The following DCAF10 variants were observed in gnomAD, a reference collection of about 807,000 sequenced individuals.
DCAF10 encodes DDB1 and CUL4 associated factor 10.
DCAF10 carries 19 observed loss-of-function variants against 51.9 expected under a neutral mutation model. The ratio of observed to expected loss-of-function variants is 0.37; its 90% confidence interval spans 0.26 to 0.54. The LOEUF is 0.54. Among genes scored for constraint, DCAF10 ranks in the 20% least tolerant of loss-of-function variants. The pLI, the probability that DCAF10 is intolerant of heterozygous loss-of-function variation, is 0.87. For synonymous variants in DCAF10, 291 were observed against 297.1 expected, an observed-to-expected ratio of 0.98 and a Z score of 0.21; for missense variants, 510 against 730.6, an observed-to-expected ratio of 0.70 and a Z score of 3.48.
At chr9:37,820,599 T>C (rs1829674181) in intron 2 of DCAF10, among the ~76,000 whole-genome samples, 1 of 152,136 alleles carries the variant, frequency 6.6e-6, no homozygotes, top group Admixed American at 6.5e-5. Flanking sequence ...AGTCAGTAAC[T>C]GAATGTCTAT....
intron 1 of DCAF10, among the ~76,000 whole-genome samples, chr9:37,812,570 C>T (rs1442518414): frequency 6.6e-6 from 1 of 152,158 alleles, no homozygotes; most frequent in Admixed American, 6.5e-5. Flanking sequence ...GGTGGAAGAT[C>T]AGAGGTACAG....
Position 37,860,167 on chromosome 9 carries a change from T to C in DCAF10, c.1285T>C (p.Cys429Arg), listed in dbSNP as rs768418580. 6.2e-7 allele frequency: 1 copy of C among 1,614,092 alleles called. No homozygotes were observed. Among genetic ancestry groups the C allele is most frequent in the Non-Finnish European group, 8.5e-7 (1 of 1,179,976 alleles). The part of the protein sequence containing the change: ...HPKGWATLLR[C>R]SSNSDDEECT... Reference sequence around the variant, plus strand: ...AAAAGGCTGGGCCACTCTTCTTCGGTGCTCAAGCAACAGTGATGATGAGGA... The same window carrying C: ...AAAAGGCTGGGCCACTCTTCTTCGGCGCTCAAGCAACAGTGATGATGAGGA... The change falls in exon 6 of 7, where the codon TGC (cysteine) becomes CGC (arginine). Residue 429 changes from cysteine to arginine, a missense_variant. Cys to Arg is a radical substitution (Grantham distance 180). Coordinates refer to ENST00000377724, the MANE Select transcript of DCAF10 (RefSeq NM_024345.5).
intron 2 of DCAF10, chr9:37,832,263 T>C (rs897591287): frequency 6.6e-6 from 1 of 150,498 alleles, no homozygotes; most frequent in Admixed American, 6.7e-5. Flanking sequence ...TTCAAGACCA[T>C]CCTGGCCAAC....
intron 2 of DCAF10, among the ~76,000 whole-genome samples, chr9:37,835,615 G>A (rs568869480): frequency 6.6e-6 from 1 of 151,922 alleles, no homozygotes; most frequent in Non-Finnish European, 1.5e-5. Flanking sequence ...GCGGGCACCT[G>A]TAATCCCAGC....
intron 3 of DCAF10, among the ~76,000 whole-genome samples, chr9:37,846,320 T>C (rs1415361014): frequency 1.3e-5 from 2 of 152,098 alleles, no homozygotes; most frequent in South Asian, 2.1e-4. Context: ...AGAGGAGATA[T>C]CATAACCAAC....
At chr9:37,834,354 A>C (rs1830090694) in intron 2 of DCAF10, among the ~76,000 whole-genome samples, 1 of 152,242 alleles carries the variant, frequency 6.6e-6, no homozygotes, top group Admixed American at 6.5e-5. Context: ...ATTTCTCATT[A>C]AACTTATTCA....
intron 1 of DCAF10, among the ~76,000 whole-genome samples, chr9:37,809,357 A>C (rs1449020074): frequency 4.0e-5 from 6 of 151,734 alleles, no homozygotes; most frequent in Non-Finnish European, 7.4e-5. Context: ...TGCAAATAAT[A>C]GGAAAATCAA....
At chr9:37,848,381 T>C (rs1830536190) in intron 3 of DCAF10, among the ~76,000 whole-genome samples, 1 of 152,206 alleles carries the variant, frequency 6.6e-6, no homozygotes, top group African/African-American at 2.4e-5. Context: ...GAATTCTATT[T>C]AGCAATGAAA....
chr9:37,802,791 T>C (rs1828997638), intron 1 of DCAF10, among the ~76,000 whole-genome samples: 1 of 152,200 alleles, frequency 6.6e-6, no homozygotes, highest in African/African-American at 2.4e-5. Context: ...GGAGAAACTA[T>C]TTTGCTGAAA....
At chr9:37,813,978 A>G (rs1411852265) in intron 1 of DCAF10, among the ~76,000 whole-genome samples, 1 of 150,964 alleles carries the variant, frequency 6.6e-6, no homozygotes, top group African/African-American at 2.4e-5. Flanking sequence ...GTAAGCATCC[A>G]TCTCAAGAAC....
At chr9:37,825,482 A>C (rs1272356606) in intron 2 of DCAF10, among the ~76,000 whole-genome samples, 3 of 152,242 alleles carry the variant, frequency 2.0e-5, no homozygotes, top group African/African-American at 7.2e-5. Flanking sequence ...ACAGAAAACC[A>C]AATACTGCAT....
intron 3 of DCAF10, among the ~76,000 whole-genome samples, chr9:37,849,944 A>G (rs1205442146): frequency 6.6e-6 from 1 of 152,140 alleles, no homozygotes; most frequent in African/African-American, 2.4e-5. Flanking sequence ...CTGTAGTCCC[A>G]GGTACTCAAG....
At chr9:37,807,877 G>A (rs1351622722) in intron 1 of DCAF10, among the ~76,000 whole-genome samples, 1 of 151,904 alleles carries the variant, frequency 6.6e-6, no homozygotes, top group Non-Finnish European at 1.5e-5. Context: ...AGTCAGGCTG[G>A]TCTTGAACTC....
At chr9:37,817,455 G>A (rs1564028879) in intron 1 of DCAF10, among the ~76,000 whole-genome samples, 2 of 151,988 alleles carry the variant, frequency 1.3e-5, no homozygotes, top group South Asian at 4.2e-4. Flanking sequence ...AAAATTAGTG[G>A]GGTGTGGTGG....
In DCAF10 at chr9:37,801,831, C is replaced by G. The variant is rs1828959783; in HGVS notation, c.539+426C>G. On this transcript the variant is annotated intron_variant, in intron 1 of 6. Transcript: ENST00000377724. This position sits in a 1 kb window ranked among gnomAD's most constrained non-coding sequence, Gnocchi z 5.5. ...GTAGGAAAGCTGTAGATTCCTTGCA[C>G]TCTGTACCTGAACTTGCCATGATGG... 6.6e-6 allele frequency among the ~76,000 whole-genome samples: 1 copy of G among 152,220 alleles called. No individual in the cohort carries two copies. Among genetic ancestry groups the G allele is most frequent in the Admixed American group, 6.5e-5 (1 of 15,292 alleles).
At chr9:37,831,655 TAG>T (rs1830010298) in intron 2 of DCAF10, among the ~76,000 whole-genome samples, 1 of 152,248 alleles carries the variant, frequency 6.6e-6, no homozygotes, top group African/African-American at 2.4e-5. Context: ...AAAACATTGG[TAG>T]TTACGGACAA....
intron 3 of DCAF10, among the ~76,000 whole-genome samples, chr9:37,849,232 G>A (rs1210893883): frequency 6.6e-6 from 1 of 151,904 alleles, no homozygotes; most frequent in African/African-American, 2.4e-5. Flanking sequence ...GCGGGGGAGG[G>A]TACTAGTTGG....
chr9:37,862,926 C>G lies in DCAF10; in HGVS notation c.*1418C>G, dbSNP rs1480986330. 1.3e-5 allele frequency: 2 copies of G among 152,120 alleles called. No homozygotes were observed. The highest frequency in any genetic ancestry group is 4.8e-5 in the African/African-American group (2 of 41,404). The allele number at this position is 152,120 out of a possible 1,614,324, so 9.4% of individuals were successfully genotyped here. A position where few individuals can be genotyped will look rare whatever the true frequency, so the allele number is the denominator to read the frequency against. Reference sequence around the variant, plus strand: ...CTCACCTTATGAGATTCTGATTCAGCCAGGGGGAGGACAGGAATCTGTATT... The same window carrying G: ...CTCACCTTATGAGATTCTGATTCAGGCAGGGGGAGGACAGGAATCTGTATT... On this transcript the variant is annotated 3_prime_UTR_variant, in exon 7 of 7. Transcript: ENST00000377724.
At position 37,801,676 on chromosome 9, in the gene DCAF10, C is replaced by G. The variant is rs767623767; in HGVS notation, c.539+271C>G. Reference sequence around the variant, plus strand: ...GAAATGCCCGAAGCTACACAGCGGACCTGTCAGAGCCAGCCCACAACTAGG... The same window carrying G: ...GAAATGCCCGAAGCTACACAGCGGAGCTGTCAGAGCCAGCCCACAACTAGG... On this transcript the variant is annotated intron_variant, in intron 1 of 6. Transcript: ENST00000377724. The surrounding 1 kb of genome is among the most constrained non-coding windows in gnomAD (Gnocchi z 5.5). 6.6e-6 allele frequency among the ~76,000 whole-genome samples: 1 copy of G among 152,250 alleles called. No homozygotes were observed. Among genetic ancestry groups the G allele is most frequent in the Non-Finnish European group, 1.5e-5 (1 of 68,050 alleles).
Sources: allele counts gnomAD v4.1 joint callset (sites outside exome capture counted in the v4.1 genomes callset), GRCh38; gene constraint gnomAD v4.1.1; non-coding constraint Gnocchi (gnomAD v3.1); transcripts MANE v1.5; gene names NCBI Gene and HGNC (gene_info 2026-07-23, HGNC 2026-07-21).